PDE3B: variants seen among roughly 807,000 people sequenced by gnomAD.
The protein encoded by PDE3B is phosphodiesterase 3B, also known as cGMP-inhibited 3',5'-cyclic phosphodiesterase 3B.
Under a neutral mutation model 116.8 loss-of-function variants are expected in PDE3B, and 66 were observed. That is an observed-to-expected ratio of 0.56 (90% CI 0.46 to 0.69). The LOEUF is 0.69. Among genes scored for constraint, PDE3B ranks in the 30% least tolerant of loss-of-function variants. The pLI, the probability that PDE3B is intolerant of heterozygous loss-of-function variation, is 0.00. For missense variants in PDE3B, 1,384 were observed against 1,368.1 expected, an observed-to-expected ratio of 1.01 and a Z score of -0.18; for synonymous variants, 595 against 533.6, an observed-to-expected ratio of 1.12 and a Z score of -1.59.
intron 14 of PDE3B, among the ~76,000 whole-genome samples, chr11:14,866,111 G>A (rs1229060245): frequency 6.6e-6 from 1 of 151,952 alleles, no homozygotes; most frequent in East Asian, 1.9e-4. Context: ...GTTTCTGTGA[G>A]GATTAAATGA....
intron 5 of PDE3B, among the ~76,000 whole-genome samples, chr11:14,815,418 A>C (rs1340003588): frequency 6.6e-6 from 1 of 152,116 alleles, no homozygotes; most frequent in Non-Finnish European, 1.5e-5. Flanking sequence ...AAGCTCATTC[A>C]GGTTGTCCTC....
intron 4 of PDE3B, among the ~76,000 whole-genome samples, chr11:14,794,124 A>G (rs540880225): frequency 3.9e-5 from 6 of 151,968 alleles, no homozygotes; most frequent in Non-Finnish European, 5.9e-5. Flanking sequence ...GCTTTTGACA[A>G]CTCATTCCCA....
At chr11:14,869,193 T>C (rs1848101187) in intron 15 of PDE3B, among the ~76,000 whole-genome samples, 1 of 152,282 alleles carries the variant, frequency 6.6e-6, no homozygotes, top group South Asian at 2.1e-4. Flanking sequence ...TTCTCTATTT[T>C]GTTTTTATCC....
At chr11:14,698,390 C>G (rs1270091038) in intron 1 of PDE3B, among the ~76,000 whole-genome samples, 1 of 151,938 alleles carries the variant, frequency 6.6e-6, no homozygotes, top group Non-Finnish European at 1.5e-5. Context: ...TCTCACTTCA[C>G]TGTGCCTGGA....
At chr11:14,764,986 AG>A (rs977518899) in intron 1 of PDE3B, among the ~76,000 whole-genome samples, 6 of 151,650 alleles carry the variant, frequency 4.0e-5, no homozygotes, top group African/African-American at 1.5e-4. Context: ...AGCTTTAGTT[AG>A]TTTAACTTTT....
At chr11:14,653,543 C>T (rs1402401616) in intron 1 of PDE3B, among the ~76,000 whole-genome samples, 9 of 151,292 alleles carry the variant, frequency 5.9e-5, no homozygotes, top group East Asian at 1.9e-4. Flanking sequence ...CCAGCCTGGG[C>T]GACAGAGCAA....
At chr11:14,857,915 C>G (rs1555006431) in intron 12 of PDE3B, among the ~76,000 whole-genome samples, 1 of 151,996 alleles carries the variant, frequency 6.6e-6, no homozygotes, top group Non-Finnish European at 1.5e-5. Context: ...GTAAATGACC[C>G]CTTAGGGAGT....
chr11:14,771,453 G>T (rs2133897722), intron 1 of PDE3B, among the ~76,000 whole-genome samples: 1 of 151,752 alleles, frequency 6.6e-6, no homozygotes, highest in South Asian at 2.1e-4. Flanking sequence ...ATCAAAAGGG[G>T]TATGTGCTGC....
At chr11:14,879,049 T>C in the PDE3B span, 2 of 1,272,784 alleles carry the variant, frequency 1.6e-6, no homozygotes, top group African/African-American at 1.5e-5. Context: ...CAGATTAAGA[T>C]GCTGTATCTA....
Position 14,803,947 on chromosome 11 carries a change from A to G in PDE3B, c.1419A>G (p.Gln473=). 6.3e-7 allele frequency: 1 copy of G among 1,576,522 alleles called. No individual in the cohort carries two copies. The highest frequency in any genetic ancestry group is 8.7e-7 in the Non-Finnish European group (1 of 1,146,258). Reference sequence around the variant, plus strand: ...ACCTGTTATTTTTCCCTTTTAGTCAAGGATGCTATCTAAATGGGCCTTTTA... The same window carrying G: ...ACCTGTTATTTTTCCCTTTTAGTCAGGGATGCTATCTAAATGGGCCTTTTA... ...RPHQEFGISS[Q]GCYLNGPFNS... is the part of the protein sequence containing the mutation. The change falls in exon 5 of 16, where the codon CAA becomes CAG. Residue 473 remains glutamine (Q), a synonymous_variant. Coordinates refer to ENST00000282096, the MANE Select transcript of PDE3B (RefSeq NM_000922.4).
chr11:14,772,189 A>T, intron 2 of PDE3B: 1 of 285,354 alleles, frequency 3.5e-6, no homozygotes, highest in Non-Finnish European at 6.5e-6. Flanking sequence ...TAAGGGAAAA[A>T]GAAAATGATA....
rs1216531994 is a variant in PDE3B at position 14,847,516 on chromosome 11, C to T, written c.2520+3490C>T. ...AGAGCAGAACTGAAGGAAATAGAGA[C>T]ACAAAAAACCCTTCAAAAAATCAAT... On this transcript the variant is annotated intron_variant, in intron 12 of 15. Coordinates refer to ENST00000282096, the MANE Select transcript of PDE3B (RefSeq NM_000922.4). Among the ~76,000 whole-genome samples, 7 of 151,468 alleles carry T rather than the reference C, an allele frequency of 4.6e-5. No homozygotes were observed. In the East Asian group the frequency reaches 9.7e-4, roughly 21 times the overall value.
At chr11:14,659,147 T>A (rs896133049) in intron 1 of PDE3B, among the ~76,000 whole-genome samples, 10 of 152,324 alleles carry the variant, frequency 6.6e-5, no homozygotes, top group Middle Eastern at 6.8e-3. Flanking sequence ...CTTGGAAGAA[T>A]GTTGCAAGTT....
chr11:14,715,352 G>C (rs1014337133), intron 1 of PDE3B, among the ~76,000 whole-genome samples: 1 of 152,136 alleles, frequency 6.6e-6, no homozygotes, highest in African/African-American at 2.4e-5. Context: ...ACCTTGGGCA[G>C]TATGGCCATT....
chr11:14,697,611 A>T (rs542053271), intron 1 of PDE3B, among the ~76,000 whole-genome samples: 1 of 152,200 alleles, frequency 6.6e-6, no homozygotes. Context: ...GTCAATTTCC[A>T]CAAAAAAACT....
chr11:14,786,486 G>A lies in PDE3B; in HGVS notation c.1079G>A (p.Arg360His), dbSNP rs913474010. 3 of 1,611,718 alleles carry A rather than the reference G, an allele frequency of 1.9e-6. No individual in the cohort carries two copies. The highest frequency in any genetic ancestry group is 4.5e-5 in the East Asian group (2 of 44,838). The change falls in exon 3 of 16, where the codon CGC (arginine) becomes CAC (histidine). Residue 360 changes from arginine to histidine, a missense_variant. Transcript: ENST00000282096. ...GATCTTTCAGTGCTAAATGAGGCTC[G>A]CAATATGGTGTCAGATCTTCTGACT... ...GVDLSVLNEA[R>H]NMVSDLLTDP...
At chr11:14,877,855 A>G in the PDE3B span, 1 of 428,710 alleles carries the variant, frequency 2.3e-6, no homozygotes, top group Non-Finnish European at 4.2e-6. Flanking sequence ...TAGGGCGTCC[A>G]TGACCCTTCT....
intron 1 of PDE3B, among the ~76,000 whole-genome samples, chr11:14,665,827 G>C (rs1854121330): frequency 6.6e-6 from 1 of 152,120 alleles, no homozygotes; most frequent in South Asian, 2.1e-4. Context: ...TGGGTAGGAA[G>C]AATCAATATC....
chr11:14,846,342 C>T (rs1162657397), intron 12 of PDE3B, among the ~76,000 whole-genome samples: 9 of 152,106 alleles, frequency 5.9e-5, no homozygotes, highest in Non-Finnish European at 1.3e-4. Context: ...GAAGGAAGCA[C>T]TAAACATGGA....
Sources: gnomAD v4.1 joint callset for allele counts (sites outside exome capture counted in the v4.1 genomes callset) on GRCh38, gnomAD v4.1.1 for gene constraint, MANE v1.5 for transcripts, NCBI Gene and HGNC (gene_info 2026-07-23, HGNC 2026-07-21) for gene names.